The following BCAS3 variants were observed in gnomAD, a reference collection of about 807,000 sequenced individuals.
BCAS3 encodes BCAS4/BCAS3 fusion.
A neutral mutation model predicts 116.1 loss-of-function variants in BCAS3; 53 were observed. The observed-to-expected ratio is 0.46, with a 90% confidence interval of 0.37 to 0.57. The LOEUF (loss-of-function observed/expected upper bound fraction) is 0.57. Ranked by LOEUF, BCAS3 falls within the 20% of genes least tolerant of loss-of-function variation. The pLI, the probability that BCAS3 is intolerant of heterozygous loss-of-function variation, is 0.00. For missense variants in BCAS3, 917 were observed against 1,165.4 expected, an observed-to-expected ratio of 0.79 and a Z score of 3.10; for synonymous variants, 391 against 408.2, an observed-to-expected ratio of 0.96 and a Z score of 0.51.
In BCAS3 at chr17:61,226,726, A is replaced by T. The variant is rs1010717708; in HGVS notation, c.2426-141601A>T. Among the ~76,000 whole-genome samples, 1 of 152,202 alleles carries T rather than the reference A, an allele frequency of 6.6e-6. No individual in the cohort carries two copies. The highest frequency in any genetic ancestry group is 2.4e-5 in the African/African-American group (1 of 41,454). On this transcript the variant is annotated intron_variant, in intron 22 of 23. Coordinates refer to ENST00000407086, the MANE Select transcript of BCAS3 (RefSeq NM_017679.5). This position sits in a 1 kb window ranked among gnomAD's most constrained non-coding sequence, Gnocchi z 6.0. ...CTTATCTCTTAGAAACCTTTAATTG[A>T]CTACCTAATATGTGCCAGATACCCA... is the stretch of plus-strand genomic sequence containing the variant.
At chr17:60,841,605 C>T (rs1435987590) in intron 7 of BCAS3, among the ~76,000 whole-genome samples, 1 of 146,068 alleles carries the variant, frequency 6.8e-6, no homozygotes, top group African/African-American at 2.6e-5. Flanking sequence ...TGGTCTCGAT[C>T]TCCTGACCTC....
Position 61,244,246 on chromosome 17 carries a change from T to A in BCAS3, c.2426-124081T>A, listed in dbSNP as rs149795311. 7.2e-5 allele frequency among the ~76,000 whole-genome samples: 11 copies of A among 152,204 alleles called. No homozygotes were observed. Among genetic ancestry groups the A allele is most frequent in the African/African-American group, 2.7e-4 (11 of 41,454 alleles). ...TACCTACAGTTAACAACTATTAACA[T>A]TATGGTATTTATTAAGATTCTTCTA... is the stretch of plus-strand genomic sequence containing the variant. On this transcript the variant is annotated intron_variant, in intron 22 of 23. Coordinates refer to ENST00000407086, the MANE Select transcript of BCAS3 (RefSeq NM_017679.5). The surrounding 1 kb of genome is among the most constrained non-coding windows in gnomAD (Gnocchi z 4.9).
Position 61,387,371 on chromosome 17 carries a change from A to G in BCAS3, c.2594-4606A>G, listed in dbSNP as rs981947036. ...CCTGGGCACACGCTCCCAAGTGACC[A>G]GGGTTGCTTCTCTCTAAAAAGGCCA... is the stretch of plus-strand genomic sequence containing the variant. On this transcript the variant is annotated intron_variant, in intron 23 of 23. Coordinates refer to ENST00000407086, the MANE Select transcript of BCAS3 (RefSeq NM_017679.5). The surrounding 1 kb of genome is among the most constrained non-coding windows in gnomAD (Gnocchi z 6.2). Among the ~76,000 whole-genome samples, 5 of 152,156 alleles carry G rather than the reference A, an allele frequency of 3.3e-5. No homozygotes were observed. The highest frequency in any genetic ancestry group is 3.9e-4 in the East Asian group (2 of 5,182).
Position 60,974,541 on chromosome 17 carries a change from A to G in BCAS3, c.1222-15430A>G, listed in dbSNP as rs187289319. ...TCAGATTACATAAAGTATTTGTATA[A>G]ATCGGAATTACTGGACTATGACTAC... On this transcript the variant is annotated intron_variant, in intron 14 of 23. Coordinates refer to ENST00000407086, the MANE Select transcript of BCAS3 (RefSeq NM_017679.5). Among the ~76,000 whole-genome samples the G allele has an allele frequency of 2.0e-5, 3 of 152,322 alleles. No homozygotes were observed. In the East Asian group the frequency reaches 5.8e-4, roughly 29 times the overall value.
chr17:61,128,398 G>A lies in BCAS3; in HGVS notation c.2425+43834G>A. 2 of 985,396 alleles carry A rather than the reference G, an allele frequency of 2.0e-6. No individual in the cohort carries two copies. The highest frequency in any genetic ancestry group is 2.4e-6 in the Non-Finnish European group (2 of 829,902). 61.0% of individuals were successfully genotyped at this position (985,396 alleles called of 1,614,324 possible). A position where few individuals can be genotyped will look rare whatever the true frequency, so the allele number is the denominator to read the frequency against. ...TATTTAAGTGAAAGGTGGGACACCA[G>A]TAGATATACATTCAGACAAATCACC... On this transcript the variant is annotated intron_variant, in intron 22 of 23. Transcript: ENST00000407086. The surrounding 1 kb of genome is among the most constrained non-coding windows in gnomAD (Gnocchi z 4.1).
At chr17:61,108,493 T>C (rs2074821998) in intron 22 of BCAS3, among the ~76,000 whole-genome samples, 1 of 152,124 alleles carries the variant, frequency 6.6e-6, no homozygotes, top group Non-Finnish European at 1.5e-5. Context: ...CTCTGCTTTT[T>C]CTTTCTCTGT....
At chr17:61,237,293 A>G (rs1330159449) in intron 22 of BCAS3, among the ~76,000 whole-genome samples, 1 of 152,228 alleles carries the variant, frequency 6.6e-6, no homozygotes, top group Non-Finnish European at 1.5e-5. Flanking sequence ...CACACCAATC[A>G]GTGCTCTGTA....
chr17:60,692,733 C>CA lies in BCAS3; in HGVS notation c.214+2986dup, dbSNP rs112569544. 2.2e-3 allele frequency among the ~76,000 whole-genome samples: 270 copies of CA among 121,830 alleles called. 2 individuals carry two copies. Among genetic ancestry groups the CA allele is most frequent in the Admixed American group, 3.0e-3 (35 of 11,758 alleles). 79.9% of individuals were successfully genotyped at this position (121,830 alleles called of 152,430 possible). On this transcript the variant is annotated intron_variant, in intron 4 of 23. Coordinates refer to ENST00000407086, the MANE Select transcript of BCAS3 (RefSeq NM_017679.5). ...TGGGCAACAGAGCGAGACTCCATCTCAAAAAAAAAAAAAATTAGCTGGAGT... is the reference window on the plus strand; with the variant it reads ...TGGGCAACAGAGCGAGACTCCATCTCAAAAAAAAAAAAAAATTAGCTGGAGT...
At position 61,285,285 on chromosome 17, in the gene BCAS3, G is replaced by C. The variant is rs117451651; in HGVS notation, c.2426-83042G>C. On this transcript the variant is annotated intron_variant, in intron 22 of 23. Transcript: ENST00000407086. This position sits in a 1 kb window ranked among gnomAD's most constrained non-coding sequence, Gnocchi z 5.4. ...TCTTGCTAAAATGCAGCAAAGGAAG[G>C]GGAAACAAATACAACAGTGCACGGC... is the stretch of plus-strand genomic sequence containing the variant. 6.7e-6 allele frequency among the ~76,000 whole-genome samples: 1 copy of C among 148,664 alleles called. No individual in the cohort carries two copies. The highest frequency in any genetic ancestry group is 6.7e-5 in the Admixed American group (1 of 15,036).
chr17:60,884,866 A>G (rs2056498118), intron 9 of BCAS3, among the ~76,000 whole-genome samples: 2 of 133,390 alleles, frequency 1.5e-5, no homozygotes, highest in African/African-American at 2.8e-5. Context: ...ACTTCCAACT[A>G]TGTGGTCAAT....
At chr17:60,953,089 T>C (rs1197633060) in intron 14 of BCAS3, among the ~76,000 whole-genome samples, 1 of 152,028 alleles carries the variant, frequency 6.6e-6, no homozygotes, top group Non-Finnish European at 1.5e-5. Context: ...CATGCATGTG[T>C]CTTTATGGTA....
At chr17:61,308,103 C>A (rs1602569645) in intron 22 of BCAS3, among the ~76,000 whole-genome samples, 2 of 152,158 alleles carry the variant, frequency 1.3e-5, no homozygotes, top group Non-Finnish European at 2.9e-5. Flanking sequence ...ACCAGCCAGG[C>A]GTTGGAGTTC....
chr17:61,298,096 G>C (rs2053097237), intron 22 of BCAS3, among the ~76,000 whole-genome samples: 1 of 152,104 alleles, frequency 6.6e-6, no homozygotes, highest in African/African-American at 2.4e-5. Flanking sequence ...CAGGTTTCTA[G>C]AGTCACTTTC....
chr17:60,970,006 A>G (rs2061866525), intron 14 of BCAS3, among the ~76,000 whole-genome samples: 1 of 152,240 alleles, frequency 6.6e-6, no homozygotes, highest in South Asian at 2.1e-4. Flanking sequence ...AATGGCACAT[A>G]ATACCAGAAG....
intron 22 of BCAS3, among the ~76,000 whole-genome samples, chr17:61,335,926 G>A (rs1001063832): frequency 2.0e-5 from 3 of 152,266 alleles, no homozygotes; most frequent in African/African-American, 7.2e-5. Flanking sequence ...AGCAGCTGTG[G>A]CTGCCTGCCA....
chr17:60,982,382 C>T (rs2145404338), intron 14 of BCAS3, among the ~76,000 whole-genome samples: 1 of 152,318 alleles, frequency 6.6e-6, no homozygotes, highest in South Asian at 2.1e-4. Flanking sequence ...TCATAACTCA[C>T]TGCAGCCTCA....
rs375521904 is a variant in BCAS3 at position 61,216,832 on chromosome 17, G to A, written c.2425+132268G>A. The stretch of plus-strand genomic sequence containing the variant: ...GCTGGGATTACAGGCATGAGCCACC[G>A]TGCCCAGCCTATATGTTGATTTTAT... On this transcript the variant is annotated intron_variant, in intron 22 of 23. Coordinates refer to ENST00000407086, the MANE Select transcript of BCAS3 (RefSeq NM_017679.5). 9.2e-5 allele frequency among the ~76,000 whole-genome samples: 14 copies of A among 151,522 alleles called. No homozygotes were observed. The East Asian group carries it at 9.8e-4, about 11-fold the overall frequency.
At chr17:60,991,818 G>A (rs1301415531) in intron 15 of BCAS3, among the ~76,000 whole-genome samples, 1 of 139,576 alleles carries the variant, frequency 7.2e-6, no homozygotes, top group African/African-American at 3.4e-5. Flanking sequence ...TCTCTGCTTT[G>A]TAGACTGTTA....
intron 9 of BCAS3, among the ~76,000 whole-genome samples, chr17:60,889,317 A>T (rs1459749840): frequency 6.6e-6 from 1 of 152,032 alleles, no homozygotes; most frequent in Non-Finnish European, 1.5e-5. Context: ...AAATTCCTGA[A>T]CCCATCATAT....
Sources: gnomAD v4.1 joint callset for allele counts (sites outside exome capture counted in the v4.1 genomes callset) on GRCh38, gnomAD v4.1.1 for gene constraint, Gnocchi (gnomAD v3.1) non-coding constraint, MANE v1.5 for transcripts, NCBI Gene and HGNC (gene_info 2026-07-23, HGNC 2026-07-21) for gene names.